MBOAT2: variants seen among roughly 807,000 people sequenced by gnomAD.
The protein encoded by MBOAT2 is membrane bound glycerophospholipid O-acyltransferase 2.
A neutral mutation model predicts 63.4 loss-of-function variants in MBOAT2; 28 were observed. The observed-to-expected ratio is 0.44, with a 90% CI of 0.33 to 0.61. The LOEUF is 0.61. MBOAT2 is among the 20% of genes least tolerant of loss of function. MBOAT2 has a pLI of 0.03. For synonymous variants in MBOAT2, 211 were observed against 215.6 expected, an observed-to-expected ratio of 0.98 and a Z score of 0.19; for missense variants, 470 against 605.8, an observed-to-expected ratio of 0.78 and a Z score of 2.35.
Position 8,859,912 on chromosome 2 carries a change from T to C in MBOAT2, c.1337+701A>G, listed in dbSNP as rs558465336. 1.3e-3 allele frequency among the ~76,000 whole-genome samples: 194 copies of C among 152,236 alleles called. 1 individual carries two copies. Among genetic ancestry groups the C allele is most frequent in the African/African-American group, 4.2e-3 (173 of 41,526 alleles). ...TAATTTATTTTCCTTAGGCTGGGTG[T>C]GGTGGCTCATGCCTGTAATCCCAGC... On this transcript the variant is annotated intron_variant, in intron 12 of 12. Coordinates refer to ENST00000305997, the MANE Select transcript of MBOAT2 (RefSeq NM_138799.4).
chr2:8,981,092 A>T (rs1490241898), intron 1 of MBOAT2, among the ~76,000 whole-genome samples: 1 of 152,202 alleles, frequency 6.6e-6, no homozygotes, highest in Non-Finnish European at 1.5e-5. Context: ...GATACAAAAG[A>T]CCACATATTG....
In MBOAT2 at chr2:8,972,605, T is replaced by C. The variant is rs547603141; in HGVS notation, c.76-13963A>G. ...CAACCTACAGGATGGGAGAAAATTT[T>C]TGCAATCTACTCACCTGACAAAGGG... is the stretch of plus-strand genomic sequence containing the variant. On this transcript the variant is annotated intron_variant, in intron 1 of 12. Coordinates refer to ENST00000305997, the MANE Select transcript of MBOAT2 (RefSeq NM_138799.4). Among the ~76,000 whole-genome samples the C allele has an allele frequency of 3.1e-4, 47 of 152,278 alleles. 1 individual carries two copies. In the South Asian group the frequency reaches 9.1e-3, roughly 30 times the overall value.
intron 1 of MBOAT2, among the ~76,000 whole-genome samples, chr2:8,994,342 C>T (rs888388107): frequency 6.6e-6 from 1 of 152,222 alleles, no homozygotes; most frequent in African/African-American, 2.4e-5. Flanking sequence ...GCAGCCCAGG[C>T]ATTCTCTCGC....
At chr2:8,910,004 A>G (rs1665598519) in intron 3 of MBOAT2, among the ~76,000 whole-genome samples, 1 of 152,214 alleles carries the variant, frequency 6.6e-6, no homozygotes, top group South Asian at 2.1e-4. Flanking sequence ...TGCACAGACC[A>G]GCGGATTACA....
chr2:8,971,921 T>C (rs1032105223), intron 1 of MBOAT2, among the ~76,000 whole-genome samples: 2 of 152,142 alleles, frequency 1.3e-5, no homozygotes, highest in Non-Finnish European at 2.9e-5. Flanking sequence ...AGAATCAATA[T>C]TGTGAAAATG....
chr2:8,972,490 G>A (rs1226711866), intron 1 of MBOAT2, among the ~76,000 whole-genome samples: 4 of 151,998 alleles, frequency 2.6e-5, no homozygotes, highest in Non-Finnish European at 2.9e-5. Context: ...ACCAAAAGCA[G>A]TGGCAACAAA....
chr2:8,880,275 A>T (rs919449608), intron 6 of MBOAT2, among the ~76,000 whole-genome samples: 6 of 152,020 alleles, frequency 3.9e-5, no homozygotes, highest in African/African-American at 1.4e-4. Flanking sequence ...GTCAGATTAG[A>T]GATTAATTTT....
intron 1 of MBOAT2, among the ~76,000 whole-genome samples, chr2:8,994,194 C>T (rs1429576329): frequency 6.6e-6 from 1 of 152,066 alleles, no homozygotes; most frequent in African/African-American, 2.4e-5. Flanking sequence ...AGTGGAGGTC[C>T]TTATTCTTAA....
At chr2:8,998,315 T>C (rs1412695829) in intron 1 of MBOAT2, among the ~76,000 whole-genome samples, 5 of 152,190 alleles carry the variant, frequency 3.3e-5, no homozygotes, top group African/African-American at 1.2e-4. Flanking sequence ...AGTGTAAAAG[T>C]AGACAGGAGA....
At chr2:8,919,703 A>G (rs1020359200) in intron 3 of MBOAT2, among the ~76,000 whole-genome samples, 3 of 152,086 alleles carry the variant, frequency 2.0e-5, no homozygotes, top group Non-Finnish European at 4.4e-5. Flanking sequence ...TTGAATAGTA[A>G]AAGTTTTAAA....
intron 3 of MBOAT2, among the ~76,000 whole-genome samples, chr2:8,941,133 T>C (rs1290277015): frequency 6.6e-6 from 1 of 152,110 alleles, no homozygotes; most frequent in Non-Finnish European, 1.5e-5. Flanking sequence ...AAAATATATA[T>C]GGGTATAAGC....
rs138658930 is a variant in MBOAT2, at chr2:8,858,852, G to A, written c.1390C>T (p.Pro464Ser). 226 of 1,613,318 alleles carry A rather than the reference G, an allele frequency of 1.4e-4. No homozygotes were observed. In the African/African-American group the frequency reaches 2.7e-3, roughly 19 times the overall value. ...ILGILVLLLLPVKKTQRRKNT... is the reference protein window; with the variant it reads ...ILGILVLLLLSVKKTQRRKNT... ...TTTCTTCTTTGAGTTTTTTTCACTGGCAACAACAATAATACTAAGATACCA... is the reference window on the plus strand; with the variant it reads ...TTTCTTCTTTGAGTTTTTTTCACTGACAACAACAATAATACTAAGATACCA... The change falls in exon 13 of 13, where the codon CCA becomes TCA. Residue 464 changes from proline to serine, a missense_variant. Coordinates refer to ENST00000305997, the MANE Select transcript of MBOAT2 (RefSeq NM_138799.4).
At chr2:8,978,662 A>C (rs1452499804) in intron 1 of MBOAT2, among the ~76,000 whole-genome samples, 1 of 152,074 alleles carries the variant, frequency 6.6e-6, no homozygotes, top group Admixed American at 6.6e-5. Context: ...GGGGCCAGTC[A>C]GGGGGTGGGG....
chr2:8,862,822 T>A lies in MBOAT2; in HGVS notation c.1053-100A>T. 1 of 1,400,060 alleles carries A rather than the reference T, an allele frequency of 7.1e-7. No homozygotes were observed. Among genetic ancestry groups the A allele is most frequent in the Non-Finnish European group, 9.5e-7 (1 of 1,048,478 alleles). 86.7% of individuals were successfully genotyped at this position (1,400,060 alleles called of 1,614,324 possible). ...TTTTATTACCTGACAGGATTTAGGG[T>A]AACTAGAAAAACAAATACAACTTAT... On this transcript the variant is annotated intron_variant, in intron 10 of 12. Coordinates refer to ENST00000305997, the MANE Select transcript of MBOAT2 (RefSeq NM_138799.4). This position sits in a 1 kb window ranked among gnomAD's most constrained non-coding sequence, Gnocchi z 4.3.
chr2:8,909,933 A>T (rs1342183327), intron 3 of MBOAT2, among the ~76,000 whole-genome samples: 3 of 152,200 alleles, frequency 2.0e-5, no homozygotes, highest in Non-Finnish European at 4.4e-5. Context: ...CCCCGTCAAG[A>T]GGAGGAGTCT....
In MBOAT2 at chr2:8,862,214, T is replaced by C; in HGVS notation, c.1185+376A>G. 9.4e-6 allele frequency: 10 copies of C among 1,061,462 alleles called. No individual in the cohort carries two copies. Among genetic ancestry groups the C allele is most frequent in the Non-Finnish European group, 1.2e-5 (10 of 804,710 alleles). 65.8% of individuals were successfully genotyped at this position (1,061,462 alleles called of 1,614,324 possible). A position where few individuals can be genotyped will look rare whatever the true frequency, so the allele number is the denominator to read the frequency against. On this transcript the variant is annotated intron_variant, in intron 11 of 12. Transcript: ENST00000305997. This position sits in a 1 kb window ranked among gnomAD's most constrained non-coding sequence, Gnocchi z 4.3. Reference sequence around the variant, plus strand: ...TTGGCCTCGCACAGCCTAGTCTTCATCTGAGAGAGGACTCAAAGGTTACAG... The same window carrying C: ...TTGGCCTCGCACAGCCTAGTCTTCACCTGAGAGAGGACTCAAAGGTTACAG...
intron 3 of MBOAT2, among the ~76,000 whole-genome samples, chr2:8,936,245 T>C (rs903979170): frequency 7.9e-5 from 12 of 152,200 alleles, no homozygotes; most frequent in African/African-American, 2.4e-4. Flanking sequence ...AGGAATGACA[T>C]TGTAATGTTC....
intron 4 of MBOAT2, among the ~76,000 whole-genome samples, chr2:8,896,321 C>T (rs1044034376): frequency 1.6e-4 from 24 of 151,692 alleles, no homozygotes; most frequent in Non-Finnish European, 2.5e-4. Flanking sequence ...GGTGGCATCT[C>T]GTAATATCCC....
chr2:8,889,869 C>T (rs1008205846), intron 4 of MBOAT2, among the ~76,000 whole-genome samples: 1 of 152,100 alleles, frequency 6.6e-6, no homozygotes, highest in Non-Finnish European at 1.5e-5. Context: ...CCACTTGGGC[C>T]CCTGAACCCA....
Sources: allele counts gnomAD v4.1 joint callset (sites outside exome capture counted in the v4.1 genomes callset), GRCh38; gene constraint gnomAD v4.1.1; non-coding constraint Gnocchi (gnomAD v3.1); transcripts MANE v1.5; gene names NCBI Gene and HGNC (gene_info 2026-07-23, HGNC 2026-07-21).